TEAD1: variants seen among roughly 807,000 people sequenced by gnomAD.
The protein encoded by TEAD1 is TEA domain transcription factor 1, also known as transcriptional enhancer factor TEF-1.
Under a neutral mutation model 54.9 loss-of-function variants are expected in TEAD1, and 9 were observed. That is an observed-to-expected ratio of 0.16 (90% CI 0.10 to 0.29). The LOEUF (loss-of-function observed/expected upper bound fraction) is 0.29, where lower values mean the gene tolerates loss of function less well. Ranked by LOEUF, TEAD1 falls within the 10% of genes least tolerant of loss-of-function variation. The pLI is 1.00. For missense variants in TEAD1, 387 were observed against 535.9 expected, an observed-to-expected ratio of 0.72 and a Z score of 2.74; for synonymous variants, 200 against 187.8, an observed-to-expected ratio of 1.07 and a Z score of -0.53.
At chr11:12,854,247 C>A (rs7945921) in intron 3 of TEAD1, among the ~76,000 whole-genome samples, 92,954 of 151,892 alleles carry the variant, frequency 0.61, 30,053 homozygotes, top group East Asian at 0.77. Flanking sequence ...GCCTGTGCCC[C>A]TTCTCCCTCC....
At chr11:12,879,208 A>G (rs1468297211) in intron 5 of TEAD1, among the ~76,000 whole-genome samples, 1 of 151,972 alleles carries the variant, frequency 6.6e-6, no homozygotes, top group Non-Finnish European at 1.5e-5. Flanking sequence ...GCCTTGCATG[A>G]CCCCAGCAGC....
intron 9 of TEAD1, among the ~76,000 whole-genome samples, chr11:12,894,293 T>C (rs550972151): frequency 6.6e-6 from 1 of 152,280 alleles, no homozygotes; most frequent in East Asian, 1.9e-4. Flanking sequence ...ACCCGGTGTG[T>C]CTGAGGGCAC....
chr11:12,937,135 A>G lies in TEAD1; in HGVS notation c.1194A>G (p.Glu398=). ...TGGTAACAAACAGGGATACACAAGAAACTCTACTCTGCATGGCCTGTGTGT... is the reference window on the plus strand; with the variant it reads ...TGGTAACAAACAGGGATACACAAGAGACTCTACTCTGCATGGCCTGTGTGT... Residue 398 remains glutamate (E), a synonymous_variant, in exon 13 of 13, where the codon GAA becomes GAG. Coordinates refer to ENST00000527636, the MANE Select transcript of TEAD1 (RefSeq NM_021961.6). 6.2e-7 allele frequency: 1 copy of G among 1,613,938 alleles called. No homozygotes were observed. The highest frequency in any genetic ancestry group is 8.5e-7 in the Non-Finnish European group (1 of 1,179,930).
chr11:12,925,148 T>C, intron 11 of TEAD1, 96 bp downstream of exon 11: 1 of 1,421,120 alleles, frequency 7.0e-7, no homozygotes, highest in Non-Finnish European at 9.8e-7. Flanking sequence ...TTTTTGGATG[T>C]CTGCTTCTTA....
At chr11:12,831,892 A>G (rs1288527456) in intron 3 of TEAD1, among the ~76,000 whole-genome samples, 2 of 152,146 alleles carry the variant, frequency 1.3e-5, no homozygotes, top group African/African-American at 4.8e-5. Flanking sequence ...TTTAAATAGC[A>G]TGTAAGATGC....
At chr11:12,700,325 A>T (rs544725309) in intron 2 of TEAD1, among the ~76,000 whole-genome samples, 1 of 152,328 alleles carries the variant, frequency 6.6e-6, no homozygotes, top group South Asian at 2.1e-4. Context: ...TCCCTTAGAT[A>T]AATTAGCATC....
At chr11:12,914,734 G>A (rs1391854024) in intron 10 of TEAD1, among the ~76,000 whole-genome samples, 1 of 152,250 alleles carries the variant, frequency 6.6e-6, no homozygotes, top group Non-Finnish European at 1.5e-5. Context: ...TAGGGGCACT[G>A]TTGCCCCACA....
chr11:12,734,524 T>C (rs963437225), intron 2 of TEAD1, among the ~76,000 whole-genome samples: 3 of 152,230 alleles, frequency 2.0e-5, no homozygotes. Context: ...CACTCACTCA[T>C]TGACTCGCCC....
intron 2 of TEAD1, among the ~76,000 whole-genome samples, chr11:12,757,685 C>G (rs1478056664): frequency 6.6e-6 from 1 of 152,188 alleles, no homozygotes; most frequent in Non-Finnish European, 1.5e-5. Flanking sequence ...GAAACACTTC[C>G]TTTTCTTGTG....
Position 12,914,850 on chromosome 11 carries a change from G to A in TEAD1, c.874-10062G>A, listed in dbSNP as rs1029459989. 8.3e-4 allele frequency among the ~76,000 whole-genome samples: 126 copies of A among 151,938 alleles called. 1 individual carries two copies. Among genetic ancestry groups the A allele is most frequent in the Non-Finnish European group, 1.5e-3 (103 of 67,790 alleles). On this transcript the variant is annotated intron_variant, in intron 10 of 12. Coordinates refer to ENST00000527636, the MANE Select transcript of TEAD1 (RefSeq NM_021961.6). ...CGAGCCTTACCATGTGGCAGGCCTG[G>A]ACGGCTGCCCGCCACAGGGCCCAGC...
chr11:12,882,477 T>G (rs1440250463), intron 8 of TEAD1, among the ~76,000 whole-genome samples: 1 of 152,164 alleles, frequency 6.6e-6, no homozygotes, highest in Non-Finnish European at 1.5e-5. Context: ...TTTGCACTAC[T>G]TGAGGTGTAC....
In TEAD1 at chr11:12,682,389, G is replaced by C. The variant is rs532316611; in HGVS notation, c.-55+6828G>C. 1.8e-3 allele frequency among the ~76,000 whole-genome samples: 272 copies of C among 152,300 alleles called. 1 individual carries two copies. The highest frequency in any genetic ancestry group is 4.2e-3 in the Admixed American group (65 of 15,298). On this transcript the variant is annotated intron_variant, in intron 2 of 12. Transcript: ENST00000527636. ...GAGTGTAGCAGTTGTTTCCAGATGTGATTGTAGAGGTGTGTGTCACGGTTA... is the reference window on the plus strand; with the variant it reads ...GAGTGTAGCAGTTGTTTCCAGATGTCATTGTAGAGGTGTGTGTCACGGTTA...
At chr11:12,719,977 TTTTTTTTTTTTTTTTTTG>T (rs1564917649) in intron 2 of TEAD1, among the ~76,000 whole-genome samples, 656 of 55,388 alleles carry the variant, frequency 0.012, 86 homozygotes, top group African/African-American at 0.049. Context: ...TTTTTTTTTT[TTTTTTTTTTTTTTTTTTG>T]GGGGGGGACC....
At chr11:12,739,754 C>T (rs892044231) in intron 2 of TEAD1, among the ~76,000 whole-genome samples, 2 of 152,192 alleles carry the variant, frequency 1.3e-5, no homozygotes, top group Admixed American at 1.3e-4. Context: ...CCCTCTCTCC[C>T]TCTGTTACTG....
At chr11:12,922,593 G>C (rs1181313726) in intron 10 of TEAD1, 1 of 152,110 alleles carries the variant, frequency 6.6e-6, no homozygotes, top group Non-Finnish European at 1.5e-5. Flanking sequence ...TCAGGTCTTA[G>C]TGGTTAGTGC....
At chr11:12,730,543 T>G (rs965784071) in intron 2 of TEAD1, among the ~76,000 whole-genome samples, 3 of 147,328 alleles carry the variant, frequency 2.0e-5, no homozygotes, top group Non-Finnish European at 4.5e-5. Context: ...GAAATAGAGG[T>G]GTTGTGGTTT....
chr11:12,806,339 A>T (rs754766037), intron 3 of TEAD1, among the ~76,000 whole-genome samples: 3 of 152,216 alleles, frequency 2.0e-5, no homozygotes, highest in Admixed American at 2.0e-4. Context: ...GCAGTGAAGC[A>T]TACTCACACC....
At chr11:12,757,177 G>A (rs908679210) in intron 2 of TEAD1, among the ~76,000 whole-genome samples, 1 of 152,038 alleles carries the variant, frequency 6.6e-6, no homozygotes. Flanking sequence ...TGCTCGTCCC[G>A]TTGCCACTGT....
At chr11:12,906,871 A>G (rs1175650522) in intron 10 of TEAD1, among the ~76,000 whole-genome samples, 1 of 152,180 alleles carries the variant, frequency 6.6e-6, no homozygotes, top group East Asian at 1.9e-4. Context: ...CATCCAATGT[A>G]TATACCACAT....
Sources: allele counts gnomAD v4.1 joint callset (sites outside exome capture counted in the v4.1 genomes callset), GRCh38; gene constraint gnomAD v4.1.1; transcripts MANE v1.5; gene names NCBI Gene and HGNC (gene_info 2026-07-23, HGNC 2026-07-21).